The following SRGAP2 variants were observed in gnomAD, a reference collection of about 807,000 sequenced individuals.
SRGAP2 encodes SLIT-ROBO Rho GTPase activating protein 2.
SRGAP2 carries 15 observed loss-of-function variants against 57.2 expected under a neutral mutation model. That is an observed-to-expected ratio of 0.26 (90% confidence interval 0.18 to 0.40). The LOEUF (loss-of-function observed/expected upper bound fraction) is 0.40, where lower values mean the gene tolerates loss of function less well. Ranked by LOEUF, SRGAP2 falls within the 10% of genes least tolerant of loss-of-function variation. The pLI is 1.00. For missense variants in SRGAP2, 520 were observed against 669.6 expected (o/e 0.78, Z 2.47); for synonymous variants, 249 against 248.0 (o/e 1.00, Z -0.04).
At chr1:206,442,687 A>G (rs782576099) in intron 17 of SRGAP2, among the ~76,000 whole-genome samples, 2 of 152,226 alleles carry the variant, frequency 1.3e-5, no homozygotes, top group Non-Finnish European at 2.9e-5. Flanking sequence ...TTGCTCATCA[A>G]AGTGTTAACA....
intron 10 of SRGAP2, among the ~76,000 whole-genome samples, chr1:206,414,029 C>CTTTTTTTTTTTTTTTTTTTTTTTTTTTT (rs201058533): frequency 6.9e-6 from 1 of 145,152 alleles, no homozygotes; most frequent in Admixed American, 6.8e-5. Flanking sequence ...TTTTCTTTTT[C>CTTTTTTTTTTTTTTTTTTTTTTTTTTTT]TTTCTTTTTT....
chr1:206,444,652 T>A (rs559673156), intron 17 of SRGAP2, among the ~76,000 whole-genome samples: 28 of 152,358 alleles, frequency 1.8e-4, no homozygotes, highest in Non-Finnish European at 3.7e-4. Context: ...CCAAGGTAAT[T>A]ATCCTCCTGT....
At chr1:206,346,384 G>A (rs1300589078) in intron 4 of SRGAP2, among the ~76,000 whole-genome samples, 1 of 152,146 alleles carries the variant, frequency 6.6e-6, no homozygotes, top group East Asian at 1.9e-4. Context: ...GCTTCCTTCT[G>A]GTTGTTAGGT....
intron 4 of SRGAP2, among the ~76,000 whole-genome samples, chr1:206,369,462 G>C (rs1449982702): frequency 6.6e-6 from 1 of 151,904 alleles, no homozygotes; most frequent in Middle Eastern, 3.4e-3. Flanking sequence ...AAAATGAAAA[G>C]ACAGCTATAG....
In SRGAP2 at chr1:206,430,067, G is replaced by A. The variant is rs114068744; in HGVS notation, c.1495-95G>A. The A allele has an allele frequency of 4.8e-3, 3,640 of 753,712 alleles. 102 individuals carry two copies. In the African/African-American group the frequency reaches 0.054, roughly 11 times the overall value. 46.7% of individuals were successfully genotyped at this position (753,712 alleles called of 1,614,324 possible). On this transcript the variant is annotated intron_variant, in intron 13 of 22. Transcript: ENST00000573034. ...TTCTTTGTAGACCGGCTGGTGATCC[G>A]CTAAGACAGTTCTGCACGGTTTGGC...
chr1:206,304,511 T>G (rs1672075357), intron 3 of SRGAP2, among the ~76,000 whole-genome samples: 1 of 151,408 alleles, frequency 6.6e-6, no homozygotes, highest in Non-Finnish European at 1.5e-5. Flanking sequence ...TAAAAAAAAT[T>G]GCAAAAAAAC....
rs1553361767 is a variant in SRGAP2, at chr1:206,415,976, G to A, written c.1441+3G>A. The A allele has an allele frequency of 1.3e-6, 1 of 780,058 alleles. No individual in the cohort carries two copies. The highest frequency in any genetic ancestry group is 1.7e-5 in the Admixed American group (1 of 58,962). The allele number at this position is 780,058 out of a possible 1,614,324, so 48.3% of individuals were successfully genotyped here. A position where few individuals can be genotyped will look rare whatever the true frequency, so the allele number is the denominator to read the frequency against. On this transcript the variant is annotated splice_donor_region_variant and intron_variant, in intron 11 of 22. Coordinates refer to ENST00000573034, the MANE Select transcript of SRGAP2 (RefSeq NM_015326.5). ...TCTGCAGAAAACCCTGGGAGAAAGT[G>A]AGTGTGGGAACCCTCTGCTAGAGGC...
intron 3 of SRGAP2, among the ~76,000 whole-genome samples, chr1:206,309,086 A>C (rs1233158212): frequency 7.2e-6 from 1 of 138,342 alleles, no homozygotes; most frequent in Non-Finnish European, 1.5e-5. Flanking sequence ...AGATCGCTTC[A>C]CTCCAGGAGT....
At chr1:206,262,060 G>C (rs1487741449) in intron 2 of SRGAP2, among the ~76,000 whole-genome samples, 2 of 151,400 alleles carry the variant, frequency 1.3e-5, no homozygotes, top group African/African-American at 4.9e-5. Flanking sequence ...AAATTGTCTT[G>C]AAGTGTAGAA....
At chr1:206,433,459 C>T (rs1441592549) in intron 14 of SRGAP2, among the ~76,000 whole-genome samples, 4 of 151,792 alleles carry the variant, frequency 2.6e-5, no homozygotes, top group South Asian at 2.1e-4. Flanking sequence ...GCCAACATGG[C>T]GAAACCCTGT....
chr1:206,413,663 A>T (rs1313885438), intron 10 of SRGAP2, among the ~76,000 whole-genome samples: 2 of 152,212 alleles, frequency 1.3e-5, no homozygotes, highest in Admixed American at 6.5e-5. Flanking sequence ...TCATTCATTT[A>T]TTCATCATGC....
chr1:206,295,683 A>G (rs1233938163), intron 2 of SRGAP2, among the ~76,000 whole-genome samples: 2 of 150,804 alleles, frequency 1.3e-5, no homozygotes, highest in African/African-American at 4.9e-5. Context: ...GTACTATATA[A>G]TTATATATCT....
At chr1:206,422,422 T>C (rs1660401158) in intron 13 of SRGAP2, among the ~76,000 whole-genome samples, 1 of 152,262 alleles carries the variant, frequency 6.6e-6, no homozygotes, top group South Asian at 2.1e-4. Context: ...TCCCTCTTTT[T>C]CCTCTATTTC....
chr1:206,359,796 C>CCCTTTTTT (rs1558345475), intron 4 of SRGAP2, among the ~76,000 whole-genome samples: 5 of 103,664 alleles, frequency 4.8e-5, no homozygotes, highest in African/African-American at 2.4e-4. Context: ...AGGGATATTG[C>CCCTTTTTT]TCTTTTTTTT....
At chr1:206,375,967 G>C (rs1459547921) in intron 4 of SRGAP2, among the ~76,000 whole-genome samples, 116 of 149,888 alleles carry the variant, frequency 7.7e-4, no homozygotes, top group Admixed American at 1.3e-3. Context: ...AGAGGAGAGA[G>C]GTCCTGGATT....
Position 206,303,479 on chromosome 1 carries a change from G to A in SRGAP2, c.260+6G>A. On this transcript the variant is annotated splice_donor_region_variant and intron_variant, in intron 3 of 22. Coordinates refer to ENST00000573034, the MANE Select transcript of SRGAP2 (RefSeq NM_015326.5). ...ACCAAGGACCAGCAATTCAAGTAGGGGCTCTGTGGCTATTACTCTCTGAGA... is the reference window on the plus strand; with the variant it reads ...ACCAAGGACCAGCAATTCAAGTAGGAGCTCTGTGGCTATTACTCTCTGAGA... The A allele has an allele frequency of 6.8e-7, 1 of 1,480,618 alleles. No homozygotes were observed. The highest frequency in any genetic ancestry group is 8.9e-7 in the Non-Finnish European group (1 of 1,117,900). The allele number at this position is 1,480,618 out of a possible 1,614,324, so 91.7% of individuals were successfully genotyped here.
At chr1:206,414,157 G>A (rs773992034) in intron 10 of SRGAP2, among the ~76,000 whole-genome samples, 3 of 150,872 alleles carry the variant, frequency 2.0e-5, no homozygotes, top group South Asian at 2.1e-4. Context: ...TCAGCCTCTC[G>A]AGTAGCTGGG....
chr1:206,446,032 A>G (rs782020542), intron 17 of SRGAP2, 43 bp from the exon 18 acceptor site: 2 of 772,618 alleles, frequency 2.6e-6, no homozygotes, highest in South Asian at 1.3e-5. Flanking sequence ...CTGGGCATTC[A>G]TGCGAGAGCT....
At chr1:206,351,141 G>T (rs1676009851) in intron 4 of SRGAP2, among the ~76,000 whole-genome samples, 1 of 152,212 alleles carries the variant, frequency 6.6e-6, no homozygotes, top group Non-Finnish European at 1.5e-5. Flanking sequence ...GAGAAGAGTG[G>T]ATGATGAAAC....
Sources: allele counts gnomAD v4.1 joint callset (sites outside exome capture counted in the v4.1 genomes callset), GRCh38; gene constraint gnomAD v4.1.1; transcripts MANE v1.5; gene names NCBI Gene and HGNC (gene_info 2026-07-23, HGNC 2026-07-21).